Variants in DPY19L3 observed in about 807,000 individuals in gnomAD.
DPY19L3 encodes the protein protein C-mannosyl-transferase DPY19L3.
DPY19L3 carries 51 observed loss-of-function variants against 92.3 expected under a neutral mutation model. That is an observed-to-expected ratio of 0.55 (90% CI 0.44 to 0.70). The LOEUF is 0.70. Ranked by LOEUF, DPY19L3 falls within the 30% of genes least tolerant of loss-of-function variation. The pLI is 0.00. For missense variants in DPY19L3, 706 were observed against 855.9 expected (o/e 0.82, Z 2.18); for synonymous variants, 309 against 315.2 (o/e 0.98, Z 0.21).
chr19:32,480,756 G>A, intron 18 of DPY19L3, 199 bp downstream of exon 18: 1 of 698,698 alleles, frequency 1.4e-6, no homozygotes, highest in Non-Finnish European at 2.3e-6. Context: ...GCAAGGGAGA[G>A]GTGAGAGGGG....
intron 3 of DPY19L3, among the ~76,000 whole-genome samples, chr19:32,419,855 A>ATTTTT (rs1189166828): frequency 3.6e-5 from 4 of 111,824 alleles, no homozygotes; most frequent in Non-Finnish European, 5.7e-5. Context: ...GCACTCCCCC[A>ATTTTT]TTTTTTTTTT....
intron 10 of DPY19L3, among the ~76,000 whole-genome samples, chr19:32,457,482 G>A (rs1250801208): frequency 6.6e-6 from 1 of 151,936 alleles, no homozygotes; most frequent in African/African-American, 2.4e-5. Flanking sequence ...TTTTCTCCCT[G>A]TCTTCATTTT....
At chr19:32,445,380 G>A (rs972268866) in intron 8 of DPY19L3, among the ~76,000 whole-genome samples, 8 of 133,944 alleles carry the variant, frequency 6.0e-5, no homozygotes, top group African/African-American at 2.0e-4. Context: ...GGCGGAGCTT[G>A]CAGTGAGTCT....
intron 8 of DPY19L3, among the ~76,000 whole-genome samples, chr19:32,443,098 C>T (rs1969374834): frequency 6.6e-6 from 1 of 152,156 alleles, no homozygotes; most frequent in Admixed American, 6.6e-5. Context: ...CTCTACTGCC[C>T]TACCCCATGC....
intron 3 of DPY19L3, among the ~76,000 whole-genome samples, chr19:32,423,225 A>G (rs993324697): frequency 5.9e-5 from 9 of 152,022 alleles, no homozygotes; most frequent in Non-Finnish European, 1.2e-4. Context: ...AAAGTAATGT[A>G]GGTCTTGTCA....
chr19:32,407,464 TA>T (rs1968011823), intron 1 of DPY19L3, among the ~76,000 whole-genome samples: 2 of 152,232 alleles, frequency 1.3e-5, no homozygotes, highest in African/African-American at 4.8e-5. Flanking sequence ...ACACATTTAC[TA>T]TGGAGTATCT....
intron 3 of DPY19L3, among the ~76,000 whole-genome samples, chr19:32,423,402 A>AT (rs71176123): frequency 0.079 from 6,533 of 82,342 alleles, 599 homozygotes; most frequent in African/African-American, 0.21. Flanking sequence ...TGCCCAGCTA[A>AT]TTTTTTTTTT....
chr19:32,484,182 G>GA lies in DPY19L3; in HGVS notation c.*1947dup. 6.6e-6 allele frequency: 1 copy of GA among 152,440 alleles called. No individual in the cohort carries two copies. Among genetic ancestry groups the GA allele is most frequent in the Admixed American group, 6.5e-5 (1 of 15,278 alleles). The allele number at this position is 152,440 out of a possible 1,614,324, so 9.4% of individuals were successfully genotyped here. A position where few individuals can be genotyped will look rare whatever the true frequency, so the allele number is the denominator to read the frequency against. ...GCACCTTTAGTGCTCAGTCTTCAGT[G>GA]AAAAATATAAAGTGCCAAAAAAATC... On this transcript the variant is annotated 3_prime_UTR_variant, in exon 19 of 19. Transcript: ENST00000392250.
Position 32,475,595 on chromosome 19 carries a change from T to C in DPY19L3, c.1698-1927T>C, listed in dbSNP as rs117814045. The stretch of plus-strand genomic sequence containing the variant: ...AATATTTGTTCATACTTGTTTCCTT[T>C]AGCAATTACACTCTAGGTAAGGGTA... On this transcript the variant is annotated intron_variant, in intron 16 of 18. Transcript: ENST00000392250. Among the ~76,000 whole-genome samples the C allele has an allele frequency of 6.9e-4, 105 of 152,366 alleles. No individual in the cohort carries two copies. The Middle Eastern group carries it at 0.01, about 15-fold the overall frequency.
intron 3 of DPY19L3, among the ~76,000 whole-genome samples, chr19:32,425,407 C>T (rs1968723602): frequency 6.6e-6 from 1 of 151,968 alleles, no homozygotes; most frequent in Non-Finnish European, 1.5e-5. Context: ...AAAAATTAGC[C>T]AGGCGTGATG....
chr19:32,474,062 CAA>C (rs1228963074), intron 16 of DPY19L3, among the ~76,000 whole-genome samples: 2 of 152,120 alleles, frequency 1.3e-5, no homozygotes, highest in Non-Finnish European at 2.9e-5. Context: ...CTCAGCCTCC[CAA>C]AGTGTTGAGA....
chr19:32,434,502 C>CA (rs1969074353), intron 4 of DPY19L3, among the ~76,000 whole-genome samples: 1 of 151,950 alleles, frequency 6.6e-6, no homozygotes, highest in African/African-American at 2.4e-5. Context: ...ACTAAAAATA[C>CA]AAAAAAATTA....
chr19:32,473,372 G>C (rs1417766751), intron 16 of DPY19L3, among the ~76,000 whole-genome samples: 2 of 152,158 alleles, frequency 1.3e-5, no homozygotes, highest in Admixed American at 6.5e-5. Flanking sequence ...CTATAATAGA[G>C]AAATGTCATT....
At chr19:32,477,455 T>C (rs1428177372) in intron 16 of DPY19L3, 67 bp from the exon 17 acceptor site, 14 of 1,586,054 alleles carry the variant, frequency 8.8e-6, no homozygotes, top group East Asian at 6.7e-5. Context: ...AAGTTTGATA[T>C]TGTCTTCTTT....
chr19:32,407,247 C>T (rs1967992709), intron 1 of DPY19L3, among the ~76,000 whole-genome samples: 1 of 141,512 alleles, frequency 7.1e-6, no homozygotes, highest in South Asian at 2.3e-4. Flanking sequence ...CTTGCTGCTG[C>T]CAAACCAGGC....
chr19:32,435,631 C>G (rs1205241650), intron 4 of DPY19L3, among the ~76,000 whole-genome samples: 1 of 152,116 alleles, frequency 6.6e-6, no homozygotes, highest in Admixed American at 6.6e-5. Flanking sequence ...TATTGTAAAA[C>G]TTTTTTTGCC....
intron 12 of DPY19L3, among the ~76,000 whole-genome samples, chr19:32,462,381 A>G (rs183985571): frequency 1.3e-5 from 2 of 152,216 alleles, no homozygotes; most frequent in Non-Finnish European, 2.9e-5. Context: ...ATTCAAAACT[A>G]TGAATGGTTT....
intron 7 of DPY19L3, among the ~76,000 whole-genome samples, 175 bp from the exon 8 acceptor site, chr19:32,439,601 A>G (rs738093): frequency 0.16 from 23,857 of 152,132 alleles, 1,903 homozygotes; most frequent in South Asian, 0.17. Context: ...TTTATATGCA[A>G]AGTGTCACTT....
chr19:32,451,413 G>A (rs1969695300), intron 8 of DPY19L3, among the ~76,000 whole-genome samples: 1 of 152,090 alleles, frequency 6.6e-6, no homozygotes, highest in Non-Finnish European at 1.5e-5. Context: ...CCTAGAGTAA[G>A]ATACATTATC....
Sources: gnomAD v4.1 joint callset for allele counts (sites outside exome capture counted in the v4.1 genomes callset) on GRCh38, gnomAD v4.1.1 for gene constraint, MANE v1.5 for transcripts, NCBI Gene and HGNC (gene_info 2026-07-23, HGNC 2026-07-21) for gene names.